ASB1: variants seen among roughly 807,000 people sequenced by gnomAD.
ASB1 encodes the protein ankyrin repeat and SOCS box protein 1.
A neutral mutation model predicts 27.7 loss-of-function variants in ASB1; 18 were observed. The ratio of observed to expected loss-of-function variants is 0.65; its 90% confidence interval spans 0.45 to 0.96. The LOEUF is 0.96. Ranked by LOEUF, ASB1 falls within the 50% of genes least tolerant of loss-of-function variation. The pLI is 0.00. For missense variants in ASB1, 397 were observed against 451.7 expected, an observed-to-expected ratio of 0.88 and a Z score of 1.10; for synonymous variants, 189 against 187.6, an observed-to-expected ratio of 1.01 and a Z score of -0.06.
chr2:238,441,710 A>G (rs1042750857), intron 3 of ASB1, among the ~76,000 whole-genome samples: 1 of 152,198 alleles, frequency 6.6e-6, no homozygotes, highest in African/African-American at 2.4e-5. Flanking sequence ...GCTGCAGTTC[A>G]TTCAGCCAGT....
At chr2:238,437,331 A>G (rs1311970950) in intron 3 of ASB1, among the ~76,000 whole-genome samples, 1 of 152,190 alleles carries the variant, frequency 6.6e-6, no homozygotes, top group East Asian at 1.9e-4. Context: ...TCCTGGGTTC[A>G]AGCAGTTCTC....
At chr2:238,435,369 T>C (rs1396905131) in intron 2 of ASB1, 1 of 289,358 alleles carries the variant, frequency 3.5e-6, no homozygotes, top group Admixed American at 4.9e-5. Context: ...AGTGCGCTGT[T>C]CATTTGGCAC....
chr2:238,441,337 G>A (rs565614107), intron 3 of ASB1, among the ~76,000 whole-genome samples: 20 of 152,180 alleles, frequency 1.3e-4, no homozygotes, highest in African/African-American at 4.6e-4. Context: ...GTTTTGCCAC[G>A]TTGGTCAGGC....
At position 238,452,112 on chromosome 2, in the gene ASB1, G is replaced by C. The variant is rs1482032434; in HGVS notation, c.*5601G>C. The C allele has an allele frequency of 1.3e-5, 2 of 152,214 alleles. No homozygotes were observed. Among genetic ancestry groups the C allele is most frequent in the African/African-American group, 4.8e-5 (2 of 41,438 alleles). 9.4% of individuals were successfully genotyped at this position (152,214 alleles called of 1,614,324 possible). A position where few individuals can be genotyped will look rare whatever the true frequency, so the allele number is the denominator to read the frequency against. On this transcript the variant is annotated 3_prime_UTR_variant, in exon 5 of 5. Coordinates refer to ENST00000264607, the MANE Select transcript of ASB1 (RefSeq NM_001040445.3). ...GTTCCGTGGGGTAGGGGGTGATGGA[G>C]ACTGTGGGCAAGCCTGTTGTTTTTG...
At chr2:238,436,763 A>ACT (rs35982899) in intron 3 of ASB1, among the ~76,000 whole-genome samples, 71,304 of 137,498 alleles carry the variant, frequency 0.52, 18,231 homozygotes, top group Middle Eastern at 0.65. Flanking sequence ...TTAGGTTAGC[A>ACT]CTCTCTCTCT....
chr2:238,435,582 G>A (rs1236319384), intron 2 of ASB1, 129 bp from the exon 3 acceptor site: 1 of 951,410 alleles, frequency 1.1e-6, no homozygotes, highest in Non-Finnish European at 1.5e-6. Context: ...ATTTCAGAAG[G>A]CAGAGCCCAG....
chr2:238,427,004 G>T lies in ASB1; in HGVS notation c.-67G>T, dbSNP rs1285098684. Reference sequence around the variant, plus strand: ...TGCCCTCGGCGCCGGAAGTGGTCGCGGGTCGTTCTGCTTCCTGCCCGAGGG... The same window carrying T: ...TGCCCTCGGCGCCGGAAGTGGTCGCTGGTCGTTCTGCTTCCTGCCCGAGGG... On this transcript the variant is annotated 5_prime_UTR_variant, in exon 1 of 5. Coordinates refer to ENST00000264607, the MANE Select transcript of ASB1 (RefSeq NM_001040445.3). 3.3e-6 allele frequency: 4 copies of T among 1,198,142 alleles called. No individual in the cohort carries two copies. The highest frequency in any genetic ancestry group is 4.2e-6 in the Non-Finnish European group (4 of 957,336). The allele number at this position is 1,198,142 out of a possible 1,614,324, so 74.2% of individuals were successfully genotyped here.
Position 238,449,521 on chromosome 2 carries a change from C to G in ASB1, c.*3010C>G, listed in dbSNP as rs887150726. ...CTGTCAACAGATGGGCTGGGCTGGG[C>G]TGTGGTGGGGTGGGGGACAACGTTG... is the stretch of plus-strand genomic sequence containing the variant. On this transcript the variant is annotated 3_prime_UTR_variant, in exon 5 of 5. Coordinates refer to ENST00000264607, the MANE Select transcript of ASB1 (RefSeq NM_001040445.3). The G allele has an allele frequency of 7.9e-5, 12 of 152,802 alleles. No homozygotes were observed. The highest frequency in any genetic ancestry group is 1.5e-4 in the Non-Finnish European group (10 of 68,412). 9.5% of individuals were successfully genotyped at this position (152,802 alleles called of 1,614,324 possible).
chr2:238,437,022 C>T (rs1398296898), intron 3 of ASB1, among the ~76,000 whole-genome samples: 1 of 152,042 alleles, frequency 6.6e-6, no homozygotes, highest in East Asian at 1.9e-4. Flanking sequence ...AGTTTTAACC[C>T]TAGGGAGTTT....
intron 1 of ASB1, among the ~76,000 whole-genome samples, chr2:238,429,894 C>T (rs532438892): frequency 1.3e-5 from 2 of 149,976 alleles, no homozygotes; most frequent in East Asian, 1.9e-4. Context: ...GCCGAGATCA[C>T]GCCACTGCAC....
chr2:238,435,403 A>G (rs914676229), intron 2 of ASB1: 2 of 366,276 alleles, frequency 5.5e-6, no homozygotes, highest in Admixed American at 4.4e-5. Context: ...GACCCTTCCC[A>G]CCTTTGTAGA....
chr2:238,449,908 C>CT lies in ASB1; in HGVS notation c.*3398dup, dbSNP rs1158372556. ...ACATAGGACTGAGCCAAGGAAGAGT[C>CT]TGCCTGAGAGAGACGCTTGGCCTGT... is the stretch of plus-strand genomic sequence containing the variant. On this transcript the variant is annotated 3_prime_UTR_variant, in exon 5 of 5. Transcript: ENST00000264607. 6.6e-6 allele frequency: 1 copy of CT among 152,226 alleles called. No homozygotes were observed. Among genetic ancestry groups the CT allele is most frequent in the Non-Finnish European group, 1.5e-5 (1 of 68,036 alleles). The allele number at this position is 152,226 out of a possible 1,614,324, so 9.4% of individuals were successfully genotyped here.
At chr2:238,437,380 C>T (rs775416600) in intron 3 of ASB1, among the ~76,000 whole-genome samples, 4 of 151,954 alleles carry the variant, frequency 2.6e-5, no homozygotes, top group Admixed American at 2.6e-4. Context: ...TACAGGTGCC[C>T]ACCACCATGG....
chr2:238,429,168 AAAG>A (rs1363587597), intron 1 of ASB1, among the ~76,000 whole-genome samples: 1 of 152,162 alleles, frequency 6.6e-6, no homozygotes, highest in Non-Finnish European at 1.5e-5. Context: ...GTAGTACTGA[AAAG>A]AGATTAATTT....
At chr2:238,442,648 G>GT (rs1559415487) in intron 3 of ASB1, among the ~76,000 whole-genome samples, 1 of 151,932 alleles carries the variant, frequency 6.6e-6, no homozygotes, top group Non-Finnish European at 1.5e-5. Flanking sequence ...TTACTTAGAG[G>GT]TTTTTTTCTA....
In ASB1 at chr2:238,433,704, C is replaced by T. The variant is rs377015536; in HGVS notation, c.191+9C>T. On this transcript the variant is annotated intron_variant, in intron 2 of 4. Coordinates refer to ENST00000264607, the MANE Select transcript of ASB1 (RefSeq NM_001040445.3). ...GAGGAGAGCTACCGGAGGTGAGCGG[C>T]GCTGCCCAGGGCTGGTCCGGGTACT... is the stretch of plus-strand genomic sequence containing the variant. 1.2e-4 allele frequency: 200 copies of T among 1,613,512 alleles called. No individual in the cohort carries two copies. The highest frequency in any genetic ancestry group is 4.8e-4 in the African/African-American group (36 of 75,024).
intron 1 of ASB1, 37 bp from the exon 2 acceptor site, chr2:238,433,517 C>T: frequency 6.2e-7 from 1 of 1,609,864 alleles, no homozygotes; most frequent in South Asian, 1.1e-5. Flanking sequence ...TTGGCAGGGC[C>T]TCCATGAGCT....
At chr2:238,441,702 T>C (rs1702081555) in intron 3 of ASB1, among the ~76,000 whole-genome samples, 1 of 152,250 alleles carries the variant, frequency 6.6e-6, no homozygotes, top group Non-Finnish European at 1.5e-5. Flanking sequence ...GCAGATGAGC[T>C]GCAGTTCATT....
intron 1 of ASB1, among the ~76,000 whole-genome samples, chr2:238,432,199 C>T (rs975508229): frequency 6.6e-6 from 1 of 152,160 alleles, no homozygotes; most frequent in Non-Finnish European, 1.5e-5. Flanking sequence ...TTTCTCTGTA[C>T]ACTTACTAAA....
Sources: allele counts gnomAD v4.1 joint callset (sites outside exome capture counted in the v4.1 genomes callset), GRCh38; gene constraint gnomAD v4.1.1; transcripts MANE v1.5; gene names NCBI Gene and HGNC (gene_info 2026-07-23, HGNC 2026-07-21).